Variants in CTSL observed in about 807,000 individuals in gnomAD.
The protein encoded by CTSL is cathepsin L.
A neutral mutation model predicts 34.7 loss-of-function variants in CTSL; 23 were observed. The ratio of observed to expected loss-of-function variants is 0.66; its 90% CI spans 0.48 to 0.94. The LOEUF (loss-of-function observed/expected upper bound fraction) is 0.94, where lower values mean the gene tolerates loss of function less well. Ranked by LOEUF, CTSL falls within the 40% of genes least tolerant of loss-of-function variation. CTSL has a pLI of 0.00. For missense variants in CTSL, 361 were observed against 406.3 expected (o/e 0.89, Z 0.96); for synonymous variants, 129 against 136.7 (o/e 0.94, Z 0.39).
chr9:87,729,815 AG>A, intron 6 of CTSL, 80 bp downstream of exon 6: 1 of 1,397,888 alleles, frequency 7.2e-7, no homozygotes, highest in Non-Finnish European at 9.7e-7. Context: ...CTGGTTTGCA[AG>A]TAAAGTTCAG....
Sources: allele counts gnomAD v4.1 joint callset, GRCh38; gene constraint gnomAD v4.1.1; transcripts MANE v1.5; gene names NCBI Gene and HGNC (gene_info 2026-07-23, HGNC 2026-07-21).